Variants in FRS2 observed in about 807,000 individuals in gnomAD.
The protein encoded by FRS2 is fibroblast growth factor receptor substrate 2.
A neutral mutation model predicts 43.9 loss-of-function variants in FRS2; 8 were observed. That is an observed-to-expected ratio of 0.18 (90% CI 0.11 to 0.33). FRS2 has a LOEUF of 0.33. Ranked by LOEUF, FRS2 falls within the 10% of genes least tolerant of loss-of-function variation. The pLI is 1.00. For missense variants in FRS2, 534 were observed against 627.6 expected (o/e 0.85, Z 1.59); for synonymous variants, 219 against 220.3 (o/e 0.99, Z 0.05).
At chr12:69,474,238 T>C (rs1055543947) in intron 1 of FRS2, among the ~76,000 whole-genome samples, 3 of 152,168 alleles carry the variant, frequency 2.0e-5, no homozygotes, top group African/African-American at 7.2e-5. Flanking sequence ...TTGGATTTGT[T>C]GACTTTTTTG....
intron 3 of FRS2, among the ~76,000 whole-genome samples, chr12:69,540,318 A>C (rs1372577207): frequency 6.6e-6 from 1 of 151,160 alleles, no homozygotes; most frequent in Non-Finnish European, 1.5e-5. Context: ...AGATCAGCTT[A>C]GAACATCTTG....
chr12:69,485,290 C>T (rs1051908894), intron 1 of FRS2, among the ~76,000 whole-genome samples: 1 of 151,638 alleles, frequency 6.6e-6, no homozygotes, highest in Admixed American at 6.6e-5. Flanking sequence ...TCACGCCATT[C>T]TCCTGCCTCA....
intron 1 of FRS2, among the ~76,000 whole-genome samples, chr12:69,516,479 A>G (rs973418170): frequency 6.6e-6 from 1 of 152,086 alleles, no homozygotes; most frequent in African/African-American, 2.4e-5. Flanking sequence ...CAGCCTCCCA[A>G]AGTGCTGGGA....
intron 3 of FRS2, among the ~76,000 whole-genome samples, chr12:69,539,838 C>A (rs1012534444): frequency 2.6e-5 from 4 of 152,022 alleles, no homozygotes; most frequent in African/African-American, 9.7e-5. Context: ...GCCTGTAATC[C>A]CAGCTACTCG....
At chr12:69,526,777 G>A (rs1876275875) in intron 1 of FRS2, among the ~76,000 whole-genome samples, 4 of 151,688 alleles carry the variant, frequency 2.6e-5, no homozygotes, top group African/African-American at 4.8e-5. Flanking sequence ...AGGCTAGAGT[G>A]CAGTGGCACG....
At chr12:69,509,792 T>G (rs1269042807) in intron 1 of FRS2, among the ~76,000 whole-genome samples, 1 of 152,202 alleles carries the variant, frequency 6.6e-6, no homozygotes, top group Non-Finnish European at 1.5e-5. Context: ...CTCCTCATCC[T>G]TATGGGCTTT....
intron 1 of FRS2, among the ~76,000 whole-genome samples, chr12:69,486,669 A>G (rs145163776): frequency 3.9e-5 from 6 of 152,344 alleles, no homozygotes; most frequent in Admixed American, 3.9e-4. Flanking sequence ...GTTAGGTTGT[A>G]AATGCAAAGG....
At chr12:69,532,588 G>C (rs1360580216) in intron 3 of FRS2, among the ~76,000 whole-genome samples, 1 of 152,098 alleles carries the variant, frequency 6.6e-6, no homozygotes, top group Non-Finnish European at 1.5e-5. Flanking sequence ...CATGAGGAAG[G>C]AGCCCACATT....
chr12:69,564,161 C>T (rs895207005), intron 4 of FRS2, among the ~76,000 whole-genome samples: 1 of 151,986 alleles, frequency 6.6e-6, no homozygotes, highest in East Asian at 1.9e-4. Context: ...TCCACTTGCT[C>T]ATTGTAGTTT....
At chr12:69,508,024 CAAAAAAA>C (rs11365179) in intron 1 of FRS2, among the ~76,000 whole-genome samples, 21 of 47,582 alleles carry the variant, frequency 4.4e-4, no homozygotes, top group African/African-American at 1.2e-3. Context: ...AACCCCGTCT[CAAAAAAA>C]AAAAAAAAAA....
At chr12:69,564,016 G>A (rs1880078954) in intron 4 of FRS2, among the ~76,000 whole-genome samples, 5 of 151,984 alleles carry the variant, frequency 3.3e-5, no homozygotes, top group Admixed American at 3.3e-4. Flanking sequence ...ATAAATCTAT[G>A]TCATCTTAAA....
chr12:69,503,207 T>A (rs963604224), intron 1 of FRS2, among the ~76,000 whole-genome samples: 1 of 152,196 alleles, frequency 6.6e-6, no homozygotes, highest in South Asian at 2.1e-4. Context: ...TCTCAGCTTA[T>A]AGATGCTGCC....
chr12:69,471,806 G>T (rs1004707420), intron 1 of FRS2, among the ~76,000 whole-genome samples: 1 of 152,164 alleles, frequency 6.6e-6, no homozygotes, highest in Non-Finnish European at 1.5e-5. Flanking sequence ...AACCAGTGAC[G>T]CTATCTGCAA....
intron 3 of FRS2, among the ~76,000 whole-genome samples, chr12:69,557,636 GCA>G (rs1879532019): frequency 1.4e-5 from 2 of 146,802 alleles, no homozygotes; most frequent in South Asian, 4.3e-4. Context: ...GCGCGCGCGC[GCA>G]GGTGCATGCA....
chr12:69,527,725 G>T (rs1477170277), intron 1 of FRS2, among the ~76,000 whole-genome samples: 3 of 152,154 alleles, frequency 2.0e-5, no homozygotes, highest in Non-Finnish European at 4.4e-5. Context: ...GCACATAGAA[G>T]TTGCTCAATA....
At chr12:69,539,011 A>ATTATCC (rs749892461) in intron 3 of FRS2, among the ~76,000 whole-genome samples, 145 of 152,220 alleles carry the variant, frequency 9.5e-4, no homozygotes, top group East Asian at 6.8e-3. Context: ...ATACAAGTTG[A>ATTATCC]TTATCCTTAT....
chr12:69,546,567 A>T (rs1360324722), intron 3 of FRS2, among the ~76,000 whole-genome samples: 2 of 151,572 alleles, frequency 1.3e-5, no homozygotes, highest in Non-Finnish European at 2.9e-5. Flanking sequence ...TAATTTTTGT[A>T]TTTTGAGTAG....
chr12:69,501,379 TC>T (rs1873431831), intron 1 of FRS2, among the ~76,000 whole-genome samples: 1 of 152,166 alleles, frequency 6.6e-6, no homozygotes, highest in Admixed American at 6.6e-5. Context: ...CATTCGTGAC[TC>T]CCGACCAACC....
At chr12:69,535,954 GTTGAA>G in intron 3 of FRS2, among the ~76,000 whole-genome samples, 1 of 151,288 alleles carries the variant, frequency 6.6e-6, no homozygotes, top group Non-Finnish European at 1.5e-5. Flanking sequence ...TTATCTGTTT[GTTGAA>G]TTGAATTTTT....
Sources: allele counts gnomAD v4.1 joint callset (sites outside exome capture counted in the v4.1 genomes callset), GRCh38; gene constraint gnomAD v4.1.1; transcripts MANE v1.5; gene names NCBI Gene and HGNC (gene_info 2026-07-23, HGNC 2026-07-21).